The following RPS6KA2 variants were observed in gnomAD, a reference collection of about 807,000 sequenced individuals.
RPS6KA2 encodes ribosomal protein S6 kinase A2, also known as ribosomal protein S6 kinase alpha-2.
A neutral mutation model predicts 91.8 loss-of-function variants in RPS6KA2; 42 were observed. That is an observed-to-expected ratio of 0.46 (90% confidence interval 0.36 to 0.59). The LOEUF is 0.59. Ranked by LOEUF, RPS6KA2 falls within the 20% of genes least tolerant of loss-of-function variation. The probability of loss-of-function intolerance (pLI) is 0.00; values close to 1 mark genes in which losing one functional copy is unlikely to be tolerated. For missense variants in RPS6KA2, 798 were observed against 978.5 expected, an observed-to-expected ratio of 0.82 and a Z score of 2.46; for synonymous variants, 414 against 393.6, an observed-to-expected ratio of 1.05 and a Z score of -0.61.
intron 1 of RPS6KA2, among the ~76,000 whole-genome samples, chr6:166,573,929 G>A (rs958700057): frequency 1.3e-5 from 2 of 152,236 alleles, no homozygotes; most frequent in South Asian, 4.1e-4. Context: ...CCATTTCAAA[G>A]GGAACGCCGA....
At chr6:166,550,784 C>T (rs1254994454) in intron 1 of RPS6KA2, among the ~76,000 whole-genome samples, 6 of 151,992 alleles carry the variant, frequency 3.9e-5, no homozygotes, top group Admixed American at 1.3e-4. Flanking sequence ...GGTCAGATCA[C>T]AAGGTCAGGA....
At position 166,832,994 on chromosome 6, in the gene RPS6KA2, CTTAA is replaced by C. The variant is rs775320336; in HGVS notation, c.123+25202_123+25205del. Among the ~76,000 whole-genome samples, 39 of 152,262 alleles carry C rather than the reference CTTAA, an allele frequency of 2.6e-4. No homozygotes were observed. In the East Asian group the frequency reaches 6.0e-3, roughly 23 times the overall value. Reference sequence around the variant, plus strand: ...TCTTATGTAAATGCAGTTTAATTTGCTTAATTAAGATGTTTAGCAACTTTTTCTT... The same window carrying C: ...TCTTATGTAAATGCAGTTTAATTTGCTTAAGATGTTTAGCAACTTTTTCTT... On this transcript the variant is annotated intron_variant, in intron 2 of 21. Coordinates refer to the RPS6KA2 transcript ENST00000503859.
intron 14 of RPS6KA2, among the ~76,000 whole-genome samples, chr6:166,436,415 T>A (rs1030440927): frequency 9.3e-5 from 14 of 150,626 alleles, no homozygotes; most frequent in Non-Finnish European, 1.3e-4. Flanking sequence ...GGCTGGAGGG[T>A]CACTGGCCGG....
At position 166,794,984 on chromosome 6, in the gene RPS6KA2, A is replaced by C. The variant is rs188243063; in HGVS notation, c.123+63216T>G. Among the ~76,000 whole-genome samples the C allele has an allele frequency of 1.7e-3, 259 of 152,186 alleles. 1 individual carries two copies. Among genetic ancestry groups the C allele is most frequent in the African/African-American group, 5.8e-3 (239 of 41,522 alleles). On this transcript the variant is annotated intron_variant, in intron 2 of 21. Coordinates refer to the RPS6KA2 transcript ENST00000503859. Reference sequence around the variant, plus strand: ...CTGCACATTGTGCACATGTACCCTAAAACTTAAAGTATAATAACAATAAAA... The same window carrying C: ...CTGCACATTGTGCACATGTACCCTACAACTTAAAGTATAATAACAATAAAA...
chr6:166,614,764 C>T lies in RPS6KA2; in HGVS notation c.99+12157G>A, dbSNP rs13208828. Among the ~76,000 whole-genome samples the T allele has an allele frequency of 5.2e-3, 798 of 152,296 alleles. 4 individuals carry two copies. Among genetic ancestry groups the T allele is most frequent in the Middle Eastern group, 0.02 (6 of 294 alleles). On this transcript the variant is annotated intron_variant, in intron 1 of 20. Transcript: ENST00000265678. ...CCTTGCTCCTGACCCTTCCTCCACC[C>T]CTGTAACCTCTGCCTCCCTGTCACA...
chr6:166,739,038 C>T (rs6456121), intron 2 of RPS6KA2, among the ~76,000 whole-genome samples: 67,526 of 152,048 alleles, frequency 0.44, 18,963 homozygotes, highest in African/African-American at 0.81. Flanking sequence ...TCACTGGAAA[C>T]TGTAGGAAAA....
intron 2 of RPS6KA2, among the ~76,000 whole-genome samples, chr6:166,809,092 C>T (rs1249799079): frequency 2.6e-5 from 4 of 152,084 alleles, no homozygotes; most frequent in Non-Finnish European, 4.4e-5. Flanking sequence ...AGAAGCTCAG[C>T]ATCACAAGTC....
intron 9 of RPS6KA2, 57 bp from the exon 10 acceptor site, chr6:166,488,978 A>C: frequency 7.0e-7 from 1 of 1,424,716 alleles, no homozygotes; most frequent in Non-Finnish European, 9.8e-7. Context: ...ACAAGCTATA[A>C]AGAGGGCCCC....
intron 2 of RPS6KA2, among the ~76,000 whole-genome samples, chr6:166,724,816 C>T (rs1790286732): frequency 6.6e-6 from 1 of 152,244 alleles, no homozygotes; most frequent in Admixed American, 6.5e-5. Context: ...ATCAGCTTTA[C>T]ACAGACTCCT....
chr6:166,475,771 G>A, intron 10 of RPS6KA2: 1 of 531,814 alleles, frequency 1.9e-6, no homozygotes, highest in Admixed American at 2.0e-5. Context: ...TGGGAGAAAT[G>A]CCAGTCTTAG....
intron 1 of RPS6KA2, among the ~76,000 whole-genome samples, chr6:166,568,500 C>T (rs1403018182): frequency 6.6e-6 from 1 of 151,836 alleles, no homozygotes; most frequent in Non-Finnish European, 1.5e-5. Context: ...ACCTGTAGTC[C>T]CAGCTACTCA....
chr6:166,715,213 T>G (rs1789977119), intron 2 of RPS6KA2, among the ~76,000 whole-genome samples: 1 of 152,202 alleles, frequency 6.6e-6, no homozygotes, highest in Non-Finnish European at 1.5e-5. Flanking sequence ...CCTGGTGGCT[T>G]CCCTCCAACT....
chr6:166,745,184 C>T (rs6456122), intron 2 of RPS6KA2, among the ~76,000 whole-genome samples: 48,018 of 143,556 alleles, frequency 0.33, 11,515 homozygotes, highest in African/African-American at 0.68. Flanking sequence ...AGAGTTTTGC[C>T]CTTGTTGCCC....
intron 2 of RPS6KA2, among the ~76,000 whole-genome samples, chr6:166,796,282 T>C (rs1307562879): frequency 6.6e-6 from 1 of 152,188 alleles, no homozygotes; most frequent in African/African-American, 2.4e-5. Flanking sequence ...TTATCTCTCA[T>C]ATGGCCCCCT....
At chr6:166,525,467 A>G (rs3799655) in intron 3 of RPS6KA2, among the ~76,000 whole-genome samples, 108,311 of 151,948 alleles carry the variant, frequency 0.71, 39,184 homozygotes, top group African/African-American at 0.83. Flanking sequence ...GAAGTGACCC[A>G]CCCCCTCTCT....
At position 166,783,835 on chromosome 6, in the gene RPS6KA2, CACACCTATCTAT is replaced by C. The variant is rs1264925375; in HGVS notation, c.123+74353_123+74364del. Among the ~76,000 whole-genome samples, 188 of 77,838 alleles carry C rather than the reference CACACCTATCTAT, an allele frequency of 2.4e-3. 16 individuals carry two copies. The highest frequency in any genetic ancestry group is 7.9e-3 in the Middle Eastern group (1 of 126). 51.1% of individuals were successfully genotyped at this position (77,838 alleles called of 152,430 possible). A position where few individuals can be genotyped will look rare whatever the true frequency, so the allele number is the denominator to read the frequency against. On this transcript the variant is annotated intron_variant, in intron 2 of 21. Transcript: ENST00000503859. Reference sequence around the variant, plus strand: ...ACCTGTAACCACATATGCACACGTGCACACCTATCTATACCACATATGCACACGTGCACACCT... The same window carrying C: ...ACCTGTAACCACATATGCACACGTGCACCACATATGCACACGTGCACACCT...
At chr6:166,421,819 T>G (rs1412319063) in intron 17 of RPS6KA2, among the ~76,000 whole-genome samples, 1 of 152,164 alleles carries the variant, frequency 6.6e-6, no homozygotes, top group Non-Finnish European at 1.5e-5. Context: ...AACGTCATTT[T>G]CCTCCCCCAT....
At chr6:166,425,627 C>CA (rs370366381) in intron 16 of RPS6KA2, among the ~76,000 whole-genome samples, 7 of 150,750 alleles carry the variant, frequency 4.6e-5, no homozygotes, top group African/African-American at 7.3e-5. Context: ...AAATGGAAAA[C>CA]AAAAAAAAGG....
intron 2 of RPS6KA2, among the ~76,000 whole-genome samples, chr6:166,790,845 A>C (rs1421666711): frequency 6.6e-6 from 1 of 152,312 alleles, no homozygotes; most frequent in Non-Finnish European, 1.5e-5. Context: ...GCCTGCCCTA[A>C]AAGAGCTCCT....
Sources: gnomAD v4.1 joint callset for allele counts (sites outside exome capture counted in the v4.1 genomes callset) on GRCh38, gnomAD v4.1.1 for gene constraint, MANE v1.5 for transcripts, NCBI Gene and HGNC (gene_info 2026-07-23, HGNC 2026-07-21) for gene names.